Variants in TCERG1 observed in about 807,000 individuals in gnomAD.
The protein encoded by TCERG1 is transcription elongation regulator 1, also known as TATA box binding protein (TBP)-associated factor, RNA polymerase II, S, 150kD.
Under a neutral mutation model 144.7 loss-of-function variants are expected in TCERG1, and 37 were observed. The observed-to-expected ratio is 0.26, with a 90% CI of 0.20 to 0.34. The LOEUF is 0.34. Ranked by LOEUF, TCERG1 falls within the 10% of genes least tolerant of loss-of-function variation. TCERG1 has a pLI of 1.00. For missense variants in TCERG1, 1,027 were observed against 1,380.7 expected, an observed-to-expected ratio of 0.74 and a Z score of 4.06; for synonymous variants, 492 against 458.2, an observed-to-expected ratio of 1.07 and a Z score of -0.94.
At chr5:146,504,154 T>C (rs1767730188) in intron 19 of TCERG1, 148 bp downstream of exon 19, 1 of 774,858 alleles carries the variant, frequency 1.3e-6, no homozygotes, top group Admixed American at 4.1e-5. Flanking sequence ...TACTTGGTAT[T>C]AGTACTGTTA....
chr5:146,452,404 ATACGC>A (rs779868990), intron 1 of TCERG1, among the ~76,000 whole-genome samples: 2 of 152,162 alleles, frequency 1.3e-5, no homozygotes, highest in Non-Finnish European at 2.9e-5. Flanking sequence ...AAGATCCTGC[ATACGC>A]TACTTGTAAG....
At chr5:146,488,250 A>T (rs1456273980) in intron 15 of TCERG1, among the ~76,000 whole-genome samples, 1 of 152,228 alleles carries the variant, frequency 6.6e-6, no homozygotes, top group Non-Finnish European at 1.5e-5. Context: ...ATGGGGTTAC[A>T]TCAAATTAAA....
At chr5:146,490,337 T>G (rs1368737146) in intron 15 of TCERG1, among the ~76,000 whole-genome samples, 1 of 152,202 alleles carries the variant, frequency 6.6e-6, no homozygotes, top group African/African-American at 2.4e-5. Flanking sequence ...TTTGTTGTAC[T>G]TGTTATAAAG....
intron 4 of TCERG1, among the ~76,000 whole-genome samples, chr5:146,460,193 A>G (rs757695470): frequency 1.1e-4 from 16 of 152,194 alleles, no homozygotes; most frequent in South Asian, 2.1e-4. Flanking sequence ...ACAGAGGCCC[A>G]AAGAGTAGAT....
rs201178879 is a variant in TCERG1, at chr5:146,479,906, G to A, written c.1814G>A (p.Ser605Asn). ...ATCCAAAAGTGGCAATTCTCTATGAGTGCAAGTGAGTGAACTAACCATAAA... is the reference window on the plus strand; with the variant it reads ...ATCCAAAAGTGGCAATTCTCTATGAATGCAAGTGAGTGAACTAACCATAAA... ...LSIQKWQFSM[S>N]AIKEEQELME... is the part of the protein sequence containing the mutation. The change falls in exon 11 of 23, where the codon AGT becomes AAT. Residue 605 changes from serine (S) to asparagine (N), a missense_variant. By Grantham distance (46) the Ser-to-Asn change is conservative. Around this residue, in one of 6 missense-constraint regions of TCERG1, gnomAD observed 482 missense variants for 632.6 expected, o/e 0.76. Coordinates refer to ENST00000679501, the MANE Select transcript of TCERG1 (RefSeq NM_001382548.1). The A allele has an allele frequency of 1.2e-6, 2 of 1,613,124 alleles. No individual in the cohort carries two copies. The highest frequency in any genetic ancestry group is 1.7e-6 in the Non-Finnish European group (2 of 1,179,478).
At chr5:146,497,085 G>T (rs1471362805) in intron 16 of TCERG1, among the ~76,000 whole-genome samples, 4 of 151,926 alleles carry the variant, frequency 2.6e-5, no homozygotes, top group Non-Finnish European at 4.4e-5. Flanking sequence ...TGGCCATGCT[G>T]GTCTTGGAAC....
At chr5:146,498,220 A>G (rs1767111373) in intron 16 of TCERG1, among the ~76,000 whole-genome samples, 1 of 151,986 alleles carries the variant, frequency 6.6e-6, no homozygotes, top group African/African-American at 2.4e-5. Context: ...ACTTAGCTTC[A>G]TCGCAGAGTG....
In TCERG1 at chr5:146,483,610, A is replaced by G. The variant is rs771774013; in HGVS notation, c.2144A>G (p.Asn715Ser). ...TTTGATCCCCGGTACTTACTTCTCA[A>G]TCCTAAAGAGAGAAAACAGGTAAAA... ...IVFDPRYLLL[N>S]PKERKQVFDQ... Residue 715 changes from asparagine (N) to serine (S), a missense_variant, in exon 15 of 23, where the codon AAT (asparagine) becomes AGT (serine). Asn to Ser is a conservative substitution (Grantham distance 46). Coordinates refer to ENST00000679501, the MANE Select transcript of TCERG1 (RefSeq NM_001382548.1). The G allele has an allele frequency of 2.5e-6, 4 of 1,611,736 alleles. No homozygotes were observed. Among genetic ancestry groups the G allele is most frequent in the East Asian group, 2.2e-5 (1 of 44,726 alleles).
chr5:146,469,889 G>T (rs887518453), intron 7 of TCERG1, 145 bp downstream of exon 7: 1 of 548,710 alleles, frequency 1.8e-6, no homozygotes, highest in Non-Finnish European at 2.9e-6. Flanking sequence ...TTACTGAATT[G>T]ATAAATATTT....
chr5:146,472,993 A>G (rs570544567), intron 9 of TCERG1, among the ~76,000 whole-genome samples: 123 of 152,216 alleles, frequency 8.1e-4, no homozygotes, highest in East Asian at 3.9e-4. Flanking sequence ...GATTACAGGC[A>G]TGAGCCACCA....
chr5:146,510,729 C>T lies in TCERG1; in HGVS notation c.*87C>T. The T allele has an allele frequency of 7.8e-7, 1 of 1,287,036 alleles. No homozygotes were observed. The highest frequency in any genetic ancestry group is 1.1e-6 in the Non-Finnish European group (1 of 943,016). 79.7% of individuals were successfully genotyped at this position (1,287,036 alleles called of 1,614,324 possible). ...TTTTACATATATGTGCATTAGTCAA[C>T]CTATTGCGAAACCATCTGACAAACA... On this transcript the variant is annotated 3_prime_UTR_variant, in exon 23 of 23. Coordinates refer to ENST00000679501, the MANE Select transcript of TCERG1 (RefSeq NM_001382548.1).
chr5:146,507,195 T>G lies in TCERG1; in HGVS notation c.2949T>G (p.Asp983Glu). ...GAGAGCACTTTAGGCAACTTCTGGA[T>G]GAAACTTCTGCAGTAAGAATCTCTT... ...KKREHFRQLL[D>E]ETSAITLTST... The change falls in exon 20 of 23, where the codon GAT becomes GAG. Residue 983 changes from aspartate (D) to glutamate (E), a missense_variant. Coordinates refer to ENST00000679501, the MANE Select transcript of TCERG1 (RefSeq NM_001382548.1). The surrounding 1 kb of genome is among the most constrained non-coding windows in gnomAD (Gnocchi z 4.6). 4 of 1,594,252 alleles carry G rather than the reference T, an allele frequency of 2.5e-6. No individual in the cohort carries two copies. The highest frequency in any genetic ancestry group is 3.4e-6 in the Non-Finnish European group (4 of 1,174,266).
At chr5:146,469,928 T>A in intron 7 of TCERG1, 184 bp downstream of exon 7, 2 of 439,636 alleles carry the variant, frequency 4.5e-6, no homozygotes, top group Non-Finnish European at 7.7e-6. Flanking sequence ...ACTTACATGT[T>A]TGTCATCATT....
intron 1 of TCERG1, among the ~76,000 whole-genome samples, chr5:146,448,679 C>A (rs1762106072): frequency 6.6e-6 from 1 of 152,190 alleles, no homozygotes; most frequent in African/African-American, 2.4e-5. Flanking sequence ...TATGGTCGCA[C>A]ACACAAATCT....
chr5:146,509,307 G>T, intron 22 of TCERG1, 62 bp downstream of exon 22: 1 of 1,128,516 alleles, frequency 8.9e-7, no homozygotes, highest in South Asian at 1.4e-5. Context: ...TACTCTAATG[G>T]TCAGAGCATT....
intron 4 of TCERG1, among the ~76,000 whole-genome samples, chr5:146,462,589 A>C (rs372286387): frequency 2.0e-5 from 3 of 152,198 alleles, no homozygotes; most frequent in African/African-American, 7.2e-5. Context: ...TGAATTTCAC[A>C]TTTTCCTGGT....
At chr5:146,460,439 ATTAT>A (rs1763243557) in intron 4 of TCERG1, among the ~76,000 whole-genome samples, 1 of 139,108 alleles carries the variant, frequency 7.2e-6, no homozygotes, top group African/African-American at 2.6e-5. Flanking sequence ...TTTTTATTTG[ATTAT>A]TTGTTATGGC....
intron 15 of TCERG1, among the ~76,000 whole-genome samples, chr5:146,485,845 C>T (rs916445017): frequency 2.0e-5 from 3 of 152,140 alleles, no homozygotes; most frequent in Non-Finnish European, 4.4e-5. Flanking sequence ...CAAGCGTGCA[C>T]CACCATGCCC....
chr5:146,461,767 A>T (rs914815004), intron 4 of TCERG1, among the ~76,000 whole-genome samples: 1 of 152,178 alleles, frequency 6.6e-6, no homozygotes, highest in Non-Finnish European at 1.5e-5. Flanking sequence ...TCTGTGGGGT[A>T]AATGGGACTA....
Sources: gnomAD v4.1 joint callset for allele counts (sites outside exome capture counted in the v4.1 genomes callset) on GRCh38, gnomAD v4.1.1 for gene constraint, gnomAD v4.1.1 regional missense constraint, Gnocchi (gnomAD v3.1) non-coding constraint, MANE v1.5 for transcripts, NCBI Gene and HGNC (gene_info 2026-07-23, HGNC 2026-07-21) for gene names.